CCBE1: variants seen among roughly 807,000 people sequenced by gnomAD.
CCBE1 encodes collagen and calcium-binding EGF domain-containing protein 1.
A neutral mutation model predicts 50.0 loss-of-function variants in CCBE1; 37 were observed. That is an observed-to-expected ratio of 0.74 (90% CI 0.57 to 0.97). The LOEUF (loss-of-function observed/expected upper bound fraction) is 0.97, where lower values mean the gene tolerates loss of function less well. Ranked by LOEUF, CCBE1 falls within the 50% of genes least tolerant of loss-of-function variation. CCBE1 has a pLI of 0.00. For missense variants in CCBE1, 538 were observed against 523.8 expected (o/e 1.03, Z -0.26); for synonymous variants, 234 against 203.7 (o/e 1.15, Z -1.27).
At chr18:59,594,532 G>A (rs921338812) in intron 2 of CCBE1, among the ~76,000 whole-genome samples, 3 of 152,218 alleles carry the variant, frequency 2.0e-5, no homozygotes, top group Non-Finnish European at 2.9e-5. Flanking sequence ...GGTGAAAGCA[G>A]TAAGCTTCTG....
chr18:59,472,614 G>A (rs751379583), intron 3 of CCBE1, among the ~76,000 whole-genome samples: 14 of 152,118 alleles, frequency 9.2e-5, no homozygotes, highest in South Asian at 2.1e-4. Context: ...CTCCCAAAGC[G>A]CTGGGATTAC....
intron 2 of CCBE1, among the ~76,000 whole-genome samples, chr18:59,549,006 G>A (rs1915815310): frequency 6.6e-6 from 1 of 150,846 alleles, no homozygotes; most frequent in African/African-American, 2.4e-5. Flanking sequence ...GGGAGGCTGA[G>A]GCAGGAGAAT....
intron 2 of CCBE1, among the ~76,000 whole-genome samples, chr18:59,643,185 T>G (rs915591008): frequency 1.3e-5 from 2 of 152,224 alleles, no homozygotes; most frequent in East Asian, 3.9e-4. Context: ...CATTTTCCAA[T>G]TGCACGTTTC....
At chr18:59,603,522 G>C (rs1224267942) in intron 2 of CCBE1, among the ~76,000 whole-genome samples, 1 of 152,112 alleles carries the variant, frequency 6.6e-6, no homozygotes, top group African/African-American at 2.4e-5. Flanking sequence ...CCTGCTTCAA[G>C]ACCTTTCACA....
chr18:59,563,971 C>G (rs192443502), intron 2 of CCBE1: 1 of 152,246 alleles, frequency 6.6e-6, no homozygotes, highest in East Asian at 1.9e-4. Flanking sequence ...TGAGAATAAC[C>G]ATCTGGAGTG....
intron 2 of CCBE1, among the ~76,000 whole-genome samples, chr18:59,694,060 CGG>C (rs779761488): frequency 3.3e-4 from 50 of 151,840 alleles, no homozygotes; most frequent in Admixed American, 1.2e-3. Context: ...TTAGTAGAGA[CGG>C]GGTTTTATCA....
chr18:59,633,960 A>G (rs910024099), intron 2 of CCBE1, among the ~76,000 whole-genome samples: 2 of 152,220 alleles, frequency 1.3e-5, no homozygotes, highest in African/African-American at 4.8e-5. Flanking sequence ...CAATATGGGA[A>G]CTAAGACAGA....
intron 2 of CCBE1, among the ~76,000 whole-genome samples, chr18:59,649,072 A>C (rs2054093456): frequency 6.6e-6 from 1 of 152,232 alleles, no homozygotes; most frequent in Non-Finnish European, 1.5e-5. Flanking sequence ...GTGGTCCATC[A>C]AGACTATTTT....
intron 2 of CCBE1, among the ~76,000 whole-genome samples, chr18:59,670,310 G>A (rs573149997): frequency 2.7e-4 from 41 of 152,168 alleles, no homozygotes; most frequent in African/African-American, 9.4e-4. Flanking sequence ...GAATGATTTG[G>A]GGAAGAAAAG....
intron 2 of CCBE1, among the ~76,000 whole-genome samples, chr18:59,502,047 C>T (rs1219777026): frequency 6.6e-6 from 1 of 152,228 alleles, no homozygotes; most frequent in Non-Finnish European, 1.5e-5. Context: ...GATCCTCCCA[C>T]CTCGGCCTCC....
At chr18:59,514,410 C>T (rs1410785640) in intron 2 of CCBE1, among the ~76,000 whole-genome samples, 3 of 152,122 alleles carry the variant, frequency 2.0e-5, no homozygotes, top group African/African-American at 7.2e-5. Context: ...CTGCTTTAAT[C>T]TGGCACTTTG....
intron 2 of CCBE1, among the ~76,000 whole-genome samples, chr18:59,482,743 T>C (rs562819732): frequency 6.6e-6 from 1 of 152,174 alleles, no homozygotes; most frequent in African/African-American, 2.4e-5. Context: ...CATTGTCTCC[T>C]GCTCGCATTA....
At chr18:59,555,727 T>C (rs1254305526) in intron 2 of CCBE1, among the ~76,000 whole-genome samples, 1 of 152,004 alleles carries the variant, frequency 6.6e-6, no homozygotes, top group East Asian at 1.9e-4. Context: ...AACAGACCGA[T>C]TCCATTTCAT....
chr18:59,462,401 A>T (rs746350359), intron 5 of CCBE1: 1 of 152,014 alleles, frequency 6.6e-6, no homozygotes, highest in Non-Finnish European at 1.5e-5. Flanking sequence ...GGGTTTAATC[A>T]AAGTTTCTTT....
chr18:59,614,037 C>A (rs1208483590), intron 2 of CCBE1, among the ~76,000 whole-genome samples: 1 of 152,024 alleles, frequency 6.6e-6, no homozygotes, highest in East Asian at 1.9e-4. Context: ...GAGGTGGAGT[C>A]TCGCTCTGCA....
Position 59,454,872 on chromosome 18 carries a change from G to T in CCBE1, c.633C>A (p.Thr211=). ...GTACCTTTTGCTTCAGCTGCAGCAC[G>T]GTCTGCTTCATCTGGTAGAACTCCT... ...TCKEFYQMKQ[T]VLQLKQKIAL... is the part of the protein sequence containing the mutation. Residue 211 remains threonine (T), a synonymous_variant, in exon 6 of 11, where the codon ACC becomes ACA. Transcript: ENST00000439986. 6.2e-7 allele frequency: 1 copy of T among 1,614,118 alleles called. No homozygotes were observed. The highest frequency in any genetic ancestry group is 8.5e-7 in the Non-Finnish European group (1 of 1,179,972).
At chr18:59,582,405 A>C (rs2053098956) in intron 2 of CCBE1, among the ~76,000 whole-genome samples, 1 of 152,226 alleles carries the variant, frequency 6.6e-6, no homozygotes, top group Non-Finnish European at 1.5e-5. Flanking sequence ...AGCAGGTACC[A>C]GTCTAATCAT....
intron 5 of CCBE1, among the ~76,000 whole-genome samples, 164 bp downstream of exon 5, chr18:59,466,575 T>C (rs112196974): frequency 5.9e-5 from 9 of 151,436 alleles, no homozygotes; most frequent in African/African-American, 2.2e-4. Flanking sequence ...TTAAACATAA[T>C]GTGGCATACA....
intron 2 of CCBE1, among the ~76,000 whole-genome samples, chr18:59,487,897 A>G (rs1445105320): frequency 6.6e-6 from 1 of 152,250 alleles, no homozygotes; most frequent in Non-Finnish European, 1.5e-5. Flanking sequence ...TTGTACACCA[A>G]TGGTCATAGC....
Sources: allele counts gnomAD v4.1 joint callset (sites outside exome capture counted in the v4.1 genomes callset), GRCh38; gene constraint gnomAD v4.1.1; transcripts MANE v1.5; gene names NCBI Gene and HGNC (gene_info 2026-07-23, HGNC 2026-07-21).